TSC22D3: variants seen among roughly 807,000 people sequenced by gnomAD.
The protein encoded by TSC22D3 is TSC22 domain family member 3.
A neutral mutation model predicts 11.1 loss-of-function variants in TSC22D3; 4 were observed. That is an observed-to-expected ratio of 0.36 (90% CI 0.18 to 0.83). The LOEUF is 0.83. Ranked by LOEUF, TSC22D3 falls within the 40% of genes least tolerant of loss-of-function variation. TSC22D3 has a pLI of 0.48. For missense variants in TSC22D3, 118 were observed against 159.4 expected (o/e 0.74, Z 1.40); for synonymous variants, 77 against 70.3 (o/e 1.10, Z -0.48).
At chrX:107,769,071 G>C (rs143615297) in intron 1 of TSC22D3, among the ~76,000 whole-genome samples, 1 of 112,574 alleles carries the variant, frequency 8.9e-6, no homozygotes, top group African/African-American at 3.2e-5. Context: ...AGGTTCCTAC[G>C]TATGTGTTGA....
chrX:107,715,994 TACTCTTGAGTAC>T, intron 1 of TSC22D3, 44 bp from the exon 2 acceptor site: 1 of 1,179,650 alleles, frequency 8.5e-7, no homozygotes, highest in Non-Finnish European at 1.1e-6. Context: ...CACTCGGTTC[TACTCTTGAGTAC>T]ATGGCAGTTG....
chrX:107,721,599 C>A (rs1234469077), intron 1 of TSC22D3, among the ~76,000 whole-genome samples: 1 of 112,088 alleles, frequency 8.9e-6, no homozygotes, highest in Non-Finnish European at 1.9e-5. Context: ...GGGAATGTTC[C>A]ACCCAAAGGT....
chrX:107,715,843 G>A (rs766195938), intron 2 of TSC22D3, 56 bp downstream of exon 2: 18 of 1,186,409 alleles, frequency 1.5e-5, no homozygotes, highest in East Asian at 3.0e-5. Flanking sequence ...CCTGCCCAGA[G>A]TTACATAAGC....
intron 1 of TSC22D3, among the ~76,000 whole-genome samples, chrX:107,756,009 A>G (rs991318447): frequency 8.9e-6 from 1 of 111,749 alleles, no homozygotes. Context: ...GGGGATATAA[A>G]AATAGCAGGT....
chrX:107,771,968 G>A (rs1406798616), intron 1 of TSC22D3, among the ~76,000 whole-genome samples: 1 of 112,418 alleles, frequency 8.9e-6, no homozygotes, highest in African/African-American at 3.2e-5. Flanking sequence ...ATCTTTACAA[G>A]GGACCACGTC....
chrX:107,752,984 GAGAAGC>G (rs1427450003), intron 1 of TSC22D3, among the ~76,000 whole-genome samples: 1 of 112,183 alleles, frequency 8.9e-6, no homozygotes, highest in African/African-American at 3.2e-5. Flanking sequence ...GCAGGAACCA[GAGAAGC>G]CCCATCCACT....
chrX:107,715,976 C>A, intron 1 of TSC22D3, 26 bp from the exon 2 acceptor site: 1 of 1,207,009 alleles, frequency 8.3e-7, no homozygotes, highest in East Asian at 3.0e-5. Flanking sequence ...GCAAAGCGAC[C>A]CATTACCCAC....
intron 1 of TSC22D3, among the ~76,000 whole-genome samples, chrX:107,766,459 C>A (rs1202811485): frequency 5.5e-5 from 5 of 91,399 alleles, no homozygotes; most frequent in Non-Finnish European, 6.4e-5. Flanking sequence ...TCCGCCCCCC[C>A]CCCAACAACT....
intron 1 of TSC22D3, among the ~76,000 whole-genome samples, chrX:107,767,994 C>T (rs1929744527): frequency 8.9e-6 from 1 of 112,603 alleles, no homozygotes; most frequent in African/African-American, 3.2e-5. Flanking sequence ...CTCAACTTAG[C>T]ACATTGGTTT....
chrX:107,717,144 G>A, intron 1 of TSC22D3: 3 of 798,941 alleles, frequency 3.8e-6, no homozygotes, highest in South Asian at 9.8e-5. Context: ...AATGAGTCCT[G>A]TACCGGGCTT....
At chrX:107,716,629 C>T (rs894112251) in intron 1 of TSC22D3, 17 of 1,140,008 alleles carry the variant, frequency 1.5e-5, no homozygotes, top group South Asian at 1.2e-4. Flanking sequence ...GACCGGGCTC[C>T]TAGCCCAGCT....
rs146242437 is a variant in TSC22D3 at position 107,775,337 on chromosome X, C to A, written c.83G>T (p.Gly28Val). The change falls in exon 1 of 3, where the codon GGG becomes GTG. Residue 28 changes from glycine (G) to valine (V), a missense_variant. Physicochemically the swap from Gly to Val is moderately radical, Grantham distance 109 (BLOSUM62 -3). Coordinates refer to ENST00000372383, the MANE Select transcript of TSC22D3 (RefSeq NM_198057.3). Reference protein sequence around the residue: ...NCCLDLAHRSGLQRGSSGENN... With the variant: ...NCCLDLAHRSVLQRGSSGENN... Reference sequence around the variant, plus strand: ...CTCCCCGCTGCTGCCTCGCTGGAGCCCACTCCGATGGGCCAGGTCCAGGCA... The same window carrying A: ...CTCCCCGCTGCTGCCTCGCTGGAGCACACTCCGATGGGCCAGGTCCAGGCA... 51 of 1,208,643 alleles carry A rather than the reference C, an allele frequency of 4.2e-5. No individual in the cohort carries two copies. Among genetic ancestry groups the A allele is most frequent in the Non-Finnish European group, 5.4e-5 (48 of 894,496 alleles).
chrX:107,723,366 G>A (rs1229161455), intron 1 of TSC22D3, among the ~76,000 whole-genome samples: 4 of 112,541 alleles, frequency 3.6e-5, no homozygotes, highest in Non-Finnish European at 1.9e-5. Flanking sequence ...CTTCCAAGAA[G>A]GTGGTCTTTG....
chrX:107,716,867 CGGCTGGGT>C, intron 1 of TSC22D3: 1 of 1,195,463 alleles, frequency 8.4e-7, no homozygotes, highest in African/African-American at 1.8e-5. Context: ...GGCGGCTGGG[CGGCTGGGT>C]GGCTGCTGGC....
chrX:107,717,673 G>A (rs926094112), intron 1 of TSC22D3, among the ~76,000 whole-genome samples: 1 of 112,496 alleles, frequency 8.9e-6, no homozygotes, highest in African/African-American at 3.2e-5. Context: ...TCTGTGACAT[G>A]CATGTAATGC....
intron 1 of TSC22D3, chrX:107,721,743 T>A (rs1010976305): frequency 1.2e-5 from 4 of 331,997 alleles, no homozygotes; most frequent in African/African-American, 1.1e-4. Flanking sequence ...AAAAGGATAT[T>A]GAGCACTAGA....
rs754352696 is a variant in TSC22D3 at position 107,716,259 on chromosome X, C to T, written c.321-309G>A. On this transcript the variant is annotated intron_variant, in intron 1 of 2. Coordinates refer to ENST00000372383, the MANE Select transcript of TSC22D3 (RefSeq NM_198057.3). Reference sequence around the variant, plus strand: ...CTCGGGCAATATGCAAACAATGGGGCTGTGCGACCCGGGGAGTCCCCCACA... The same window carrying T: ...CTCGGGCAATATGCAAACAATGGGGTTGTGCGACCCGGGGAGTCCCCCACA... 1.5e-5 allele frequency: 14 copies of T among 920,719 alleles called. No homozygotes were observed. The East Asian group carries it at 4.6e-4, about 30-fold the overall frequency. 75.9% of individuals were successfully genotyped at this position (920,719 alleles called of 1,213,427 possible). A position where few individuals can be genotyped will look rare whatever the true frequency, so the allele number is the denominator to read the frequency against.
chrX:107,718,014 G>A (rs1927141003), intron 1 of TSC22D3, among the ~76,000 whole-genome samples: 2 of 111,692 alleles, frequency 1.8e-5, no homozygotes, highest in South Asian at 7.4e-4. Context: ...TTATATAAAC[G>A]ATCCCAGGAA....
At chrX:107,761,524 C>A (rs185367930) in intron 1 of TSC22D3, among the ~76,000 whole-genome samples, 1 of 112,529 alleles carries the variant, frequency 8.9e-6, no homozygotes, top group Non-Finnish European at 1.9e-5. Flanking sequence ...GCAATTTTCA[C>A]GCATTAGTTC....
Sources: allele counts gnomAD v4.1 joint callset (sites outside exome capture counted in the v4.1 genomes callset), GRCh38; gene constraint gnomAD v4.1.1; transcripts MANE v1.5; gene names NCBI Gene and HGNC (gene_info 2026-07-23, HGNC 2026-07-21).